FSTL5: variants seen among roughly 807,000 people sequenced by gnomAD.
FSTL5 encodes the protein follistatin like 5, also known as follistatin-related protein 5.
In FSTL5, 62 loss-of-function variants were observed where a neutral mutation model predicts 89.1. That is an observed-to-expected ratio of 0.70 (90% confidence interval 0.57 to 0.86). FSTL5 has a LOEUF of 0.86. FSTL5 is among the 40% of genes least tolerant of loss of function. The probability of loss-of-function intolerance (pLI) is 0.00; values close to 1 mark genes in which losing one functional copy is unlikely to be tolerated. For synonymous variants in FSTL5, 383 were observed against 346.2 expected (o/e 1.11, Z -1.18); for missense variants, 1,057 against 1,001.6 (o/e 1.06, Z -0.75).
At chr4:161,911,375 CTT>C (rs999413747) in intron 4 of FSTL5, among the ~76,000 whole-genome samples, 2 of 151,772 alleles carry the variant, frequency 1.3e-5, no homozygotes, top group African/African-American at 4.8e-5. Flanking sequence ...ATATTGAAGA[CTT>C]TATTTCATCT....
chr4:162,068,178 C>T (rs1729424080), intron 2 of FSTL5, among the ~76,000 whole-genome samples: 1 of 152,100 alleles, frequency 6.6e-6, no homozygotes, highest in African/African-American at 2.4e-5. Flanking sequence ...CATTGACGTT[C>T]TTCACAGAAT....
chr4:161,452,294 G>A (rs190540399), intron 15 of FSTL5, among the ~76,000 whole-genome samples: 63 of 152,202 alleles, frequency 4.1e-4, no homozygotes, highest in African/African-American at 1.5e-3. Flanking sequence ...TGACCAAGAT[G>A]GTGAAACTCC....
intron 15 of FSTL5, among the ~76,000 whole-genome samples, chr4:161,428,110 A>T (rs1022286699): frequency 6.6e-6 from 1 of 152,024 alleles, no homozygotes; most frequent in Non-Finnish European, 1.5e-5. Context: ...TTTGCAATGG[A>T]ACTCAGTGCT....
At chr4:162,049,229 GC>G in intron 2 of FSTL5, among the ~76,000 whole-genome samples, 1 of 152,200 alleles carries the variant, frequency 6.6e-6, no homozygotes, top group East Asian at 1.9e-4. Context: ...GTGAGAGAAA[GC>G]TTTGAAGATT....
chr4:161,745,197 C>G (rs980798140), intron 6 of FSTL5, among the ~76,000 whole-genome samples: 2 of 151,978 alleles, frequency 1.3e-5, no homozygotes, highest in African/African-American at 4.8e-5. Context: ...CTTAAATATT[C>G]TAATATTTCA....
At chr4:161,583,225 C>A (rs1372833116) in intron 8 of FSTL5, among the ~76,000 whole-genome samples, 1 of 151,840 alleles carries the variant, frequency 6.6e-6, no homozygotes, top group Non-Finnish European at 1.5e-5. Context: ...AATAAAAGTT[C>A]TTTCTCATGT....
chr4:162,159,894 C>G (rs1205456741), intron 1 of FSTL5, among the ~76,000 whole-genome samples: 1 of 151,314 alleles, frequency 6.6e-6, no homozygotes, highest in East Asian at 1.9e-4. Flanking sequence ...ATTTTAATGC[C>G]AAAAAAACTG....
intron 15 of FSTL5, among the ~76,000 whole-genome samples, chr4:161,413,258 A>C: frequency 7.2e-5 from 2 of 27,944 alleles, no homozygotes; most frequent in Admixed American, 5.0e-4. Context: ...ACTTCTCAAA[A>C]AAAAAAAAAA....
intron 7 of FSTL5, among the ~76,000 whole-genome samples, chr4:161,639,138 T>A (rs945141675): frequency 6.6e-6 from 1 of 152,120 alleles, no homozygotes; most frequent in Admixed American, 6.5e-5. Context: ...AGTGTTGGAA[T>A]TCTGGCAGTT....
intron 4 of FSTL5, among the ~76,000 whole-genome samples, chr4:161,846,884 T>C (rs1306559644): frequency 6.6e-6 from 1 of 152,212 alleles, no homozygotes; most frequent in Non-Finnish European, 1.5e-5. Flanking sequence ...AAAAAATAAA[T>C]ACTTTTGATA....
intron 6 of FSTL5, among the ~76,000 whole-genome samples, chr4:161,727,955 C>A (rs1456132216): frequency 6.6e-6 from 1 of 152,106 alleles, no homozygotes; most frequent in Non-Finnish European, 1.5e-5. Context: ...TGCACTCCAG[C>A]CCTGGCGACA....
intron 4 of FSTL5, among the ~76,000 whole-genome samples, chr4:161,778,529 C>T (rs546657001): frequency 1.3e-5 from 2 of 152,294 alleles, no homozygotes; most frequent in East Asian, 3.9e-4. Flanking sequence ...AAAACAATCT[C>T]TTCCAAAGAG....
chr4:161,931,755 C>T (rs1397824177), intron 3 of FSTL5, among the ~76,000 whole-genome samples: 1 of 151,962 alleles, frequency 6.6e-6, no homozygotes, highest in Non-Finnish European at 1.5e-5. Context: ...TGCATGTTTT[C>T]AGTCTTAATG....
At chr4:161,858,324 T>G (rs1415170248) in intron 4 of FSTL5, among the ~76,000 whole-genome samples, 2 of 152,182 alleles carry the variant, frequency 1.3e-5, no homozygotes, top group African/African-American at 4.8e-5. Flanking sequence ...CTATGGTATT[T>G]TGTTATAGCA....
At chr4:161,761,247 A>C (rs1264199271) in intron 5 of FSTL5, among the ~76,000 whole-genome samples, 1 of 152,226 alleles carries the variant, frequency 6.6e-6, no homozygotes, top group Non-Finnish European at 1.5e-5. Context: ...CATCTCTTCT[A>C]TAAGCCTAAT....
chr4:161,656,554 T>C lies in FSTL5; in HGVS notation c.728-60A>G, dbSNP rs4691779. 6.0e-3 allele frequency: 6,683 copies of C among 1,120,600 alleles called. 64 individuals are homozygous for C. Among genetic ancestry groups the C allele is most frequent in the South Asian group, 0.043 (1,392 of 32,480 alleles). The allele number at this position is 1,120,600 out of a possible 1,614,324, so 69.4% of individuals were successfully genotyped here. On this transcript the variant is annotated intron_variant, in intron 6 of 15. Coordinates refer to ENST00000306100, the MANE Select transcript of FSTL5 (RefSeq NM_020116.5). Reference sequence around the variant, plus strand: ...ATTTAGTTTTGTAAGGCTAATAGTATAAAATTTCTGAATACTAGTAATTAA... The same window carrying C: ...ATTTAGTTTTGTAAGGCTAATAGTACAAAATTTCTGAATACTAGTAATTAA...
chr4:161,416,645 C>T (rs774696220), intron 15 of FSTL5, among the ~76,000 whole-genome samples: 22 of 152,024 alleles, frequency 1.4e-4, no homozygotes, highest in Admixed American at 3.3e-4. Context: ...GAGATGGAGA[C>T]CATCCTGGCT....
intron 4 of FSTL5, among the ~76,000 whole-genome samples, chr4:161,785,507 A>G (rs1424497017): frequency 6.6e-6 from 1 of 152,206 alleles, no homozygotes; most frequent in Non-Finnish European, 1.5e-5. Context: ...TTTTGTATTC[A>G]TCTAACAATA....
At chr4:162,146,197 T>G (rs1360310158) in intron 1 of FSTL5, among the ~76,000 whole-genome samples, 2 of 152,166 alleles carry the variant, frequency 1.3e-5, no homozygotes, top group Non-Finnish European at 2.9e-5. Context: ...GAGATATCTA[T>G]GTAAATATAA....
Sources: allele counts gnomAD v4.1 joint callset (sites outside exome capture counted in the v4.1 genomes callset), GRCh38; gene constraint gnomAD v4.1.1; transcripts MANE v1.5; gene names NCBI Gene and HGNC (gene_info 2026-07-23, HGNC 2026-07-21).